Variants in CSNK2A2IP observed in about 807,000 individuals in gnomAD.
CSNK2A2IP encodes casein kinase 2 subunit alpha' interacting protein.
the CSNK2A2IP span, among the ~76,000 whole-genome samples, chr3:88,426,302 T>C: frequency 6.6e-5 from 10 of 152,284 alleles, no homozygotes; most frequent in Admixed American, 2.6e-4. Flanking sequence ...CCCTGGCAAG[T>C]GTCTGTTTAG....
chr3:88,383,744 A>G, the CSNK2A2IP span, among the ~76,000 whole-genome samples: 3 of 143,406 alleles, frequency 2.1e-5, no homozygotes, highest in Non-Finnish European at 4.5e-5. Flanking sequence ...GCTCACTGCA[A>G]CCTCCGCCTC....
the CSNK2A2IP span, among the ~76,000 whole-genome samples, chr3:88,361,207 G>T: frequency 6.6e-6 from 1 of 152,106 alleles, no homozygotes; most frequent in East Asian, 1.9e-4. Context: ...CAGTGAGTGT[G>T]TTATACCTTC....
At chr3:88,403,447 T>A in the CSNK2A2IP span, among the ~76,000 whole-genome samples, 2 of 152,144 alleles carry the variant, frequency 1.3e-5, no homozygotes, top group Non-Finnish European at 2.9e-5. Context: ...AATATCTTAC[T>A]CATTGATACC....
At chr3:88,447,089 T>C in the CSNK2A2IP span, among the ~76,000 whole-genome samples, 2 of 152,146 alleles carry the variant, frequency 1.3e-5, no homozygotes, top group African/African-American at 2.4e-5. Context: ...AAAATACTTG[T>C]AGTATATGTG....
At chr3:88,340,490 A>G in the CSNK2A2IP span, among the ~76,000 whole-genome samples, 1 of 151,998 alleles carries the variant, frequency 6.6e-6, no homozygotes, top group Non-Finnish European at 1.5e-5. Context: ...CTCACTTTTC[A>G]GAAACTGCGT....
At chr3:88,466,932 A>G in the CSNK2A2IP span, 6 of 1,231,432 alleles carry the variant, frequency 4.9e-6, no homozygotes, top group South Asian at 8.2e-5. Context: ...TCCTTTCTCT[A>G]CCAGAGACTT....
chr3:88,384,379 C>A, the CSNK2A2IP span, among the ~76,000 whole-genome samples: 10 of 142,904 alleles, frequency 7.0e-5, no homozygotes, highest in East Asian at 8.2e-4. Flanking sequence ...AAAAAAAAAA[C>A]AAAAAAACAA....
chr3:88,372,625 G>A, the CSNK2A2IP span, among the ~76,000 whole-genome samples: 1 of 151,248 alleles, frequency 6.6e-6, no homozygotes, highest in Non-Finnish European at 1.5e-5. Flanking sequence ...ATAAGTCCAG[G>A]CATATTGATT....
At chr3:88,458,532 C>A in the CSNK2A2IP span, among the ~76,000 whole-genome samples, 2 of 152,122 alleles carry the variant, frequency 1.3e-5, no homozygotes, top group African/African-American at 4.8e-5. Context: ...TATCAATATA[C>A]TTGATTATCT....
chr3:88,358,550 G>T, the CSNK2A2IP span, among the ~76,000 whole-genome samples: 3 of 152,004 alleles, frequency 2.0e-5, no homozygotes, highest in East Asian at 3.9e-4. Context: ...TCATGAAAGG[G>T]TATTGAATTA....
the CSNK2A2IP span, among the ~76,000 whole-genome samples, chr3:88,425,048 T>C: frequency 6.6e-6 from 1 of 152,212 alleles, no homozygotes; most frequent in African/African-American, 2.4e-5. Context: ...ATGAGTTACA[T>C]CATTAACATA....
chr3:88,343,372 G>T, the CSNK2A2IP span: 1 of 151,962 alleles, frequency 6.6e-6, no homozygotes, highest in Non-Finnish European at 1.5e-5. Context: ...CTGAGAAAAA[G>T]GAGACAGAAA....
chr3:88,345,549 C>G, the CSNK2A2IP span, among the ~76,000 whole-genome samples: 1 of 151,932 alleles, frequency 6.6e-6, no homozygotes, highest in Non-Finnish European at 1.5e-5. Context: ...GTAATTCTCA[C>G]AACATTTCAA....
At chr3:88,424,326 C>G in the CSNK2A2IP span, among the ~76,000 whole-genome samples, 1 of 152,008 alleles carries the variant, frequency 6.6e-6, no homozygotes, top group African/African-American at 2.4e-5. Flanking sequence ...ACCTTTTTGC[C>G]TGTTATCGAT....
chr3:88,426,558 G>T, the CSNK2A2IP span, among the ~76,000 whole-genome samples: 1 of 152,170 alleles, frequency 6.6e-6, no homozygotes, highest in African/African-American at 2.4e-5. Context: ...ATCCCCACAT[G>T]TTGTAGGAGG....
chr3:88,449,671 A>C, the CSNK2A2IP span, among the ~76,000 whole-genome samples: 16 of 149,764 alleles, frequency 1.1e-4, no homozygotes, highest in East Asian at 3.2e-3. Context: ...CCATCAAACA[A>C]TCTACCCAAG....
the CSNK2A2IP span, among the ~76,000 whole-genome samples, chr3:88,457,391 G>A: frequency 1.3e-5 from 2 of 151,774 alleles, no homozygotes; most frequent in Non-Finnish European, 2.9e-5. Flanking sequence ...AAATATTGAT[G>A]CATAGTTGCT....
the CSNK2A2IP span, among the ~76,000 whole-genome samples, chr3:88,341,938 G>A: frequency 6.6e-6 from 1 of 151,866 alleles, no homozygotes; most frequent in African/African-American, 2.4e-5. Flanking sequence ...ATAAGCAGAG[G>A]ATTATAGAAA....
chr3:88,370,621 T>C, the CSNK2A2IP span, among the ~76,000 whole-genome samples: 2 of 151,326 alleles, frequency 1.3e-5, no homozygotes, highest in Non-Finnish European at 3.0e-5. Flanking sequence ...TCTTTCTTTC[T>C]TTCTTTCTTT....
Sources: gnomAD v4.1 joint callset for allele counts (sites outside exome capture counted in the v4.1 genomes callset) on GRCh38, gnomAD v4.1.1 for gene constraint, MANE v1.5 for transcripts, NCBI Gene and HGNC (gene_info 2026-07-23, HGNC 2026-07-21) for gene names.